Variants in TSPAN18 observed in about 807,000 individuals in gnomAD.
TSPAN18 encodes the protein tetraspanin 18, also known as tetraspanin-18.
TSPAN18 carries 14 observed loss-of-function variants against 27.3 expected under a neutral mutation model. The observed-to-expected ratio is 0.51, with a 90% CI of 0.34 to 0.80. The LOEUF (loss-of-function observed/expected upper bound fraction) is 0.80, where lower values mean the gene tolerates loss of function less well. Ranked by LOEUF, TSPAN18 falls within the 30% of genes least tolerant of loss-of-function variation. The probability of loss-of-function intolerance (pLI) is 0.01; values close to 1 mark genes in which losing one functional copy is unlikely to be tolerated. For synonymous variants in TSPAN18, 143 were observed against 136.5 expected (o/e 1.05, Z -0.33); for missense variants, 268 against 323.9 (o/e 0.83, Z 1.32).
intron 3 of TSPAN18, among the ~76,000 whole-genome samples, chr11:44,865,750 G>A (rs1858019206): frequency 1.3e-5 from 2 of 152,122 alleles, no homozygotes; most frequent in Admixed American, 6.5e-5. Flanking sequence ...GGTGGCTGTT[G>A]CAGCCAGTTG....
chr11:44,924,085 C>T (rs1282251088), intron 8 of TSPAN18, among the ~76,000 whole-genome samples: 1 of 131,618 alleles, frequency 7.6e-6, no homozygotes, highest in Non-Finnish European at 1.6e-5. Context: ...CTTCTCCTGT[C>T]CCCTTCTGGG....
intron 3 of TSPAN18, among the ~76,000 whole-genome samples, chr11:44,874,850 G>C (rs866472283): frequency 6.6e-6 from 1 of 152,184 alleles, no homozygotes; most frequent in Non-Finnish European, 1.5e-5. Flanking sequence ...CTGAGACCAC[G>C]CTCCTCCCTT....
intron 2 of TSPAN18, among the ~76,000 whole-genome samples, chr11:44,835,217 G>A (rs945032623): frequency 6.6e-6 from 1 of 152,248 alleles, no homozygotes; most frequent in African/African-American, 2.4e-5. Context: ...CACTGCTGGA[G>A]TATGGGCAGC....
chr11:44,883,759 C>T (rs1479384005), intron 3 of TSPAN18, among the ~76,000 whole-genome samples: 1 of 152,220 alleles, frequency 6.6e-6, no homozygotes, highest in Non-Finnish European at 1.5e-5. Flanking sequence ...GCCCTACCAG[C>T]TTTGGGACTT....
chr11:44,793,257 G>A (rs562813621), intron 2 of TSPAN18, among the ~76,000 whole-genome samples: 1 of 152,338 alleles, frequency 6.6e-6, no homozygotes, highest in African/African-American at 2.4e-5. Context: ...ACGCCTGCTG[G>A]TCATTGGCTG....
intron 1 of TSPAN18, among the ~76,000 whole-genome samples, chr11:44,735,601 G>A (rs995778155): frequency 6.6e-6 from 1 of 151,592 alleles, no homozygotes; most frequent in African/African-American, 2.4e-5. Context: ...TTGGATTAGG[G>A]TCCACCCTAA....
intron 5 of TSPAN18, among the ~76,000 whole-genome samples, chr11:44,914,929 G>C (rs1181636484): frequency 6.6e-6 from 1 of 152,238 alleles, no homozygotes; most frequent in Non-Finnish European, 1.5e-5. Flanking sequence ...CATCTGAGCA[G>C]CTCTCATGTC....
At position 44,929,313 on chromosome 11, in the gene TSPAN18, C is replaced by T; in HGVS notation, c.*135C>T. The T allele has an allele frequency of 3.8e-6, 4 of 1,065,676 alleles. No individual in the cohort carries two copies. The highest frequency in any genetic ancestry group is 5.5e-6 in the Non-Finnish European group (4 of 721,508). 66.0% of individuals were successfully genotyped at this position (1,065,676 alleles called of 1,614,324 possible). On this transcript the variant is annotated 3_prime_UTR_variant, in exon 10 of 10. Transcript: ENST00000520358. Reference sequence around the variant, plus strand: ...CCATCAGAGATGGCCAGGAGAAGGGCCAGGGGAATAGAGCTATTTTTTTAA... The same window carrying T: ...CCATCAGAGATGGCCAGGAGAAGGGTCAGGGGAATAGAGCTATTTTTTTAA...
chr11:44,726,757 A>AC (rs1854511236), upstream of TSPAN18: 1 of 150,670 alleles, frequency 6.6e-6, no homozygotes, highest in Non-Finnish European at 1.5e-5. Flanking sequence ...GGGCCCAGGG[A>AC]CCCCCAGACA....
intron 1 of TSPAN18, among the ~76,000 whole-genome samples, chr11:44,758,527 T>C (rs1337931152): frequency 6.6e-6 from 1 of 152,236 alleles, no homozygotes; most frequent in Non-Finnish European, 1.5e-5. Context: ...TGTAAGTGTC[T>C]TTGTCTGGTT....
rs530229807 is a variant in TSPAN18 at position 44,814,492 on chromosome 11, T to A, written c.-152-45836T>A. On this transcript the variant is annotated intron_variant, in intron 2 of 9. Coordinates refer to ENST00000520358, the MANE Select transcript of TSPAN18 (RefSeq NM_130783.5). ...TTTGAAAAGCATTGACTAGTCCCAG[T>A]GCCTCATTTTGCAGATGTGAAAACT... Among the ~76,000 whole-genome samples the A allele has an allele frequency of 6.6e-5, 10 of 152,372 alleles. No individual in the cohort carries two copies. The East Asian group carries it at 1.9e-3, about 29-fold the overall frequency.
At chr11:44,798,780 A>G (rs77365596) in intron 2 of TSPAN18, among the ~76,000 whole-genome samples, 3,301 of 152,320 alleles carry the variant, frequency 0.022, 131 homozygotes, top group African/African-American at 0.074. Flanking sequence ...CAAAAGAAAT[A>G]GAGAGGGAGG....
At chr11:44,845,489 C>T (rs891439750) in intron 2 of TSPAN18, among the ~76,000 whole-genome samples, 7 of 152,324 alleles carry the variant, frequency 4.6e-5, no homozygotes, top group African/African-American at 1.4e-4. Context: ...CCTGCCCTCA[C>T]GGAGCTTGTA....
intron 5 of TSPAN18, chr11:44,917,452 T>C (rs75859617): frequency 0.016 from 2,417 of 152,728 alleles, 29 homozygotes; most frequent in Non-Finnish European, 0.022. Flanking sequence ...CCCTCCAATC[T>C]TATTCCTTGG....
intron 2 of TSPAN18, among the ~76,000 whole-genome samples, chr11:44,827,102 G>A (rs935182233): frequency 1.3e-5 from 2 of 152,174 alleles, no homozygotes; most frequent in African/African-American, 2.4e-5. Flanking sequence ...GGTGGATCCC[G>A]CCAACTCTGC....
intron 1 of TSPAN18, among the ~76,000 whole-genome samples, chr11:44,750,232 C>T (rs1038571270): frequency 1.4e-4 from 22 of 152,154 alleles, no homozygotes; most frequent in African/African-American, 5.3e-4. Context: ...TTTTGGCCAT[C>T]GATCTTAATT....
At chr11:44,889,762 A>G (rs574374894) in intron 3 of TSPAN18, among the ~76,000 whole-genome samples, 1 of 152,224 alleles carries the variant, frequency 6.6e-6, no homozygotes, top group East Asian at 1.9e-4. Flanking sequence ...CCCCAGATAA[A>G]CCTCAGGGGC....
chr11:44,813,385 G>A (rs1856759202), intron 2 of TSPAN18, among the ~76,000 whole-genome samples: 1 of 152,220 alleles, frequency 6.6e-6, no homozygotes, highest in Non-Finnish European at 1.5e-5. Context: ...GGGAAAGTGG[G>A]AATCATGATA....
intron 4 of TSPAN18, among the ~76,000 whole-genome samples, chr11:44,909,019 C>T (rs554842800): frequency 1.2e-3 from 182 of 152,218 alleles, no homozygotes; most frequent in African/African-American, 4.2e-3. Flanking sequence ...CTCTAGACTA[C>T]GCTGCCTCTT....
Sources: allele counts gnomAD v4.1 joint callset (sites outside exome capture counted in the v4.1 genomes callset), GRCh38; gene constraint gnomAD v4.1.1; transcripts MANE v1.5; gene names NCBI Gene and HGNC (gene_info 2026-07-23, HGNC 2026-07-21).